SDCCAG8: variants seen among roughly 807,000 people sequenced by gnomAD.
The protein encoded by SDCCAG8 is SHH signaling and ciliogenesis regulator SDCCAG8, also known as serologically defined colon cancer antigen 8.
SDCCAG8 carries 74 observed loss-of-function variants against 101.8 expected under a neutral mutation model. The observed-to-expected ratio is 0.73, with a 90% CI of 0.60 to 0.88. SDCCAG8 has a LOEUF of 0.88. Ranked by LOEUF, SDCCAG8 falls within the 40% of genes least tolerant of loss-of-function variation. The pLI is 0.00. For missense variants in SDCCAG8, 787 were observed against 822.6 expected, an observed-to-expected ratio of 0.96 and a Z score of 0.53; for synonymous variants, 281 against 292.9, an observed-to-expected ratio of 0.96 and a Z score of 0.41.
At chr1:243,316,272 G>A (rs1437252243) in intron 8 of SDCCAG8, among the ~76,000 whole-genome samples, 2 of 152,124 alleles carry the variant, frequency 1.3e-5, no homozygotes, top group Non-Finnish European at 2.9e-5. Flanking sequence ...TGAAAGAGAA[G>A]TGCAAAAAAG....
At chr1:243,309,984 C>T (rs2072560545) in intron 8 of SDCCAG8, among the ~76,000 whole-genome samples, 1 of 152,168 alleles carries the variant, frequency 6.6e-6, no homozygotes, top group Non-Finnish European at 1.5e-5. Context: ...CTGCCTCAGC[C>T]TCCCGAGTAG....
At chr1:243,288,677 A>G (rs1263765909) in intron 5 of SDCCAG8, among the ~76,000 whole-genome samples, 6 of 152,164 alleles carry the variant, frequency 3.9e-5, no homozygotes, top group African/African-American at 1.4e-4. Context: ...GCTGATTTCA[A>G]TATAGATTTT....
At chr1:243,299,068 T>C (rs1163544648) in intron 6 of SDCCAG8, among the ~76,000 whole-genome samples, 1 of 152,224 alleles carries the variant, frequency 6.6e-6, no homozygotes, top group Non-Finnish European at 1.5e-5. Flanking sequence ...CTTATTTGAG[T>C]CATCTTTAAT....
At position 243,458,614 on chromosome 1, in the gene SDCCAG8, G is replaced by C. The variant is rs1022717053; in HGVS notation, c.1986-30400G>C. Reference sequence around the variant, plus strand: ...TGAGGCACAGTGAGGTTGAGTAACAGGCTGAAGGTCACACAGCTACTATGT... The same window carrying C: ...TGAGGCACAGTGAGGTTGAGTAACACGCTGAAGGTCACACAGCTACTATGT... On this transcript the variant is annotated intron_variant, in intron 16 of 17. Coordinates refer to ENST00000366541, the MANE Select transcript of SDCCAG8 (RefSeq NM_006642.5). This position sits in a 1 kb window ranked among gnomAD's most constrained non-coding sequence, Gnocchi z 4.5. Among the ~76,000 whole-genome samples the C allele has an allele frequency of 3.3e-5, 5 of 152,172 alleles. No homozygotes were observed. The highest frequency in any genetic ancestry group is 7.3e-5 in the Non-Finnish European group (5 of 68,042).
At chr1:243,282,127 G>A (rs1301948109) in intron 4 of SDCCAG8, among the ~76,000 whole-genome samples, 2 of 151,894 alleles carry the variant, frequency 1.3e-5, no homozygotes, top group Admixed American at 1.3e-4. Context: ...AGGACTACAG[G>A]TGAGCCACCA....
chr1:243,270,834 T>TTA, intron 2 of SDCCAG8, 144 bp from the exon 3 acceptor site: 2 of 656,894 alleles, frequency 3.0e-6, no homozygotes, highest in South Asian at 1.7e-5. Context: ...TTTTTTTTTT[T>TTA]ATGTTGGTCT....
At chr1:243,386,242 T>C (rs956210669) in intron 13 of SDCCAG8, among the ~76,000 whole-genome samples, 3 of 152,202 alleles carry the variant, frequency 2.0e-5, no homozygotes, top group South Asian at 2.1e-4. Context: ...ACAGCTGATA[T>C]GTTATCGAAG....
intron 6 of SDCCAG8, among the ~76,000 whole-genome samples, chr1:243,301,570 T>A (rs148078503): frequency 6.6e-6 from 1 of 152,238 alleles, no homozygotes; most frequent in Admixed American, 6.5e-5. Flanking sequence ...GATAAATTAA[T>A]CCAATATAAG....
chr1:243,426,472 T>A lies in SDCCAG8; in HGVS notation c.1899T>A (p.Asp633Glu), dbSNP rs937691576. The A allele has an allele frequency of 6.2e-7, 1 of 1,613,766 alleles. No homozygotes were observed. Among genetic ancestry groups the A allele is most frequent in the Non-Finnish European group, 8.5e-7 (1 of 1,179,854 alleles). ...GTCAAGAAAAAAGGTATACATATGA[T>A]AAATTGGGAAAGTTACAGAGAAGAA... ...QLSQEKRYTY[D>E]KLGKLQRRNE... Residue 633 changes from aspartate (D) to glutamate (E), a missense_variant, in exon 16 of 18, where the codon GAT becomes GAA. Transcript: ENST00000366541.
At chr1:243,298,080 A>G (rs572603721) in intron 6 of SDCCAG8, among the ~76,000 whole-genome samples, 9 of 141,712 alleles carry the variant, frequency 6.4e-5, no homozygotes, top group African/African-American at 1.8e-4. Context: ...ACGGAGTCTC[A>G]CTCTGTCACC....
intron 16 of SDCCAG8, among the ~76,000 whole-genome samples, chr1:243,454,182 A>C (rs1190326927): frequency 6.6e-6 from 1 of 152,114 alleles, no homozygotes; most frequent in South Asian, 2.1e-4. Context: ...TGAATATGGT[A>C]TTTTGCTTTA....
intron 13 of SDCCAG8, among the ~76,000 whole-genome samples, chr1:243,384,392 A>C (rs1361320118): frequency 6.6e-6 from 1 of 152,174 alleles, no homozygotes; most frequent in African/African-American, 2.4e-5. Flanking sequence ...ATAAGGCTAA[A>C]ATTTTTTATT....
At chr1:243,393,338 C>T (rs566289057) in intron 13 of SDCCAG8, among the ~76,000 whole-genome samples, 72 of 152,094 alleles carry the variant, frequency 4.7e-4, no homozygotes, top group Admixed American at 2.3e-3. Flanking sequence ...GGCTCCTTAG[C>T]AGAACTAATC....
At chr1:243,381,763 G>A (rs965668024) in intron 13 of SDCCAG8, among the ~76,000 whole-genome samples, 14 of 152,090 alleles carry the variant, frequency 9.2e-5, no homozygotes, top group South Asian at 2.1e-4. Context: ...CTTAGATTGC[G>A]CATACTCTAG....
At chr1:243,400,411 T>C (rs1035687501) in intron 13 of SDCCAG8, among the ~76,000 whole-genome samples, 2 of 152,208 alleles carry the variant, frequency 1.3e-5, no homozygotes, top group African/African-American at 4.8e-5. Flanking sequence ...TCAGTGCCTC[T>C]GCAACACCCT....
At chr1:243,478,039 G>C (rs1330492466) in intron 16 of SDCCAG8, among the ~76,000 whole-genome samples, 1 of 152,168 alleles carries the variant, frequency 6.6e-6, no homozygotes, top group South Asian at 2.1e-4. Flanking sequence ...ATCAAGTCTG[G>C]TTCTCCTCAC....
intron 15 of SDCCAG8, 29 bp downstream of exon 15, chr1:243,418,105 A>G (rs1226012497): frequency 1.4e-6 from 2 of 1,460,778 alleles, no homozygotes; most frequent in Admixed American, 1.7e-5. Flanking sequence ...TACTTTCAAG[A>G]GCACTGTTTG....
intron 6 of SDCCAG8, among the ~76,000 whole-genome samples, chr1:243,294,542 C>T (rs2070649641): frequency 2.0e-5 from 1 of 49,856 alleles, no homozygotes; most frequent in African/African-American, 5.5e-5. Flanking sequence ...CCACCTCTCC[C>T]AGTCTTTTCA....
At chr1:243,287,459 G>T (rs1157588596) in intron 5 of SDCCAG8, among the ~76,000 whole-genome samples, 1 of 151,392 alleles carries the variant, frequency 6.6e-6, no homozygotes, top group East Asian at 1.9e-4. Context: ...TTATAATCCT[G>T]GAGTTGTATA....
Sources: allele counts gnomAD v4.1 joint callset (sites outside exome capture counted in the v4.1 genomes callset), GRCh38; gene constraint gnomAD v4.1.1; non-coding constraint Gnocchi (gnomAD v3.1); transcripts MANE v1.5; gene names NCBI Gene and HGNC (gene_info 2026-07-23, HGNC 2026-07-21).